The following FXN variants were observed in gnomAD, a reference collection of about 807,000 sequenced individuals.
FXN encodes the protein frataxin, mitochondrial.
A neutral mutation model predicts 22.4 loss-of-function variants in FXN; 14 were observed. That is an observed-to-expected ratio of 0.62 (90% CI 0.41 to 0.98). The LOEUF is 0.98. FXN is among the 50% of genes least tolerant of loss of function. The pLI, the probability that FXN is intolerant of heterozygous loss-of-function variation, is 0.00. For missense variants in FXN, 267 were observed against 268.4 expected (o/e 0.99, Z 0.04); for synonymous variants, 120 against 114.1 (o/e 1.05, Z -0.33).
Position 69,078,008 on chromosome 9 carries a change from C to T in FXN, c.*5246C>T. ...ATAGAAAAATAAGACAATATCATTTCCCAATTACATTCCTTTCCTACCGCA... is the reference window on the plus strand; with the variant it reads ...ATAGAAAAATAAGACAATATCATTTTCCAATTACATTCCTTTCCTACCGCA... On this transcript the variant is annotated 3_prime_UTR_variant, in exon 5 of 5. Coordinates refer to ENST00000484259, the MANE Select transcript of FXN (RefSeq NM_000144.5). 1.0e-6 allele frequency: 1 copy of T among 985,306 alleles called. No individual in the cohort carries two copies. The highest frequency in any genetic ancestry group is 1.2e-6 in the Non-Finnish European group (1 of 829,846). The allele number at this position is 985,306 out of a possible 1,614,324, so 61.0% of individuals were successfully genotyped here.
intron 1 of FXN, among the ~76,000 whole-genome samples, chr9:69,042,995 A>G (rs1831685280): frequency 6.6e-6 from 1 of 152,142 alleles, no homozygotes; most frequent in African/African-American, 2.4e-5. Context: ...GTAAAACACA[A>G]CTATAGTTGA....
At chr9:69,072,380 A>G (rs1292899865) in intron 4 of FXN, among the ~76,000 whole-genome samples, 2 of 152,252 alleles carry the variant, frequency 1.3e-5, no homozygotes, top group Non-Finnish European at 2.9e-5. Flanking sequence ...CTTATCAGTA[A>G]GGGTCAAATG....
chr9:69,037,981 A>T (rs1265968564), intron 1 of FXN, among the ~76,000 whole-genome samples: 1 of 152,198 alleles, frequency 6.6e-6, no homozygotes. Context: ...TAGGAGAATG[A>T]CAAGAGGTGG....
Position 69,077,061 on chromosome 9 carries a change from C to G in FXN, c.*4299C>G. 1 of 446,880 alleles carries G rather than the reference C, an allele frequency of 2.2e-6. No homozygotes were observed. Among genetic ancestry groups the G allele is most frequent in the Non-Finnish European group, 3.0e-6 (1 of 337,650 alleles). The allele number at this position is 446,880 out of a possible 1,614,324, so 27.7% of individuals were successfully genotyped here. ...CCCGAGTAGCTGGGATTACAGGTGC[C>G]TGCCACCACACCCGGCTAATTTTTG... On this transcript the variant is annotated 3_prime_UTR_variant, in exon 5 of 5. Transcript: ENST00000484259.
At chr9:69,070,164 G>C (rs1039093318) in intron 4 of FXN, among the ~76,000 whole-genome samples, 1 of 151,904 alleles carries the variant, frequency 6.6e-6, no homozygotes, top group Non-Finnish European at 1.5e-5. Context: ...GTGGGGCAGA[G>C]GTTGCAGTGA....
rs116859992 is a variant in FXN, at chr9:69,079,050, G to T, written c.*6288G>T. The T allele has an allele frequency of 7.4e-3, 6,541 of 880,004 alleles. 39 individuals are homozygous for T. The highest frequency in any genetic ancestry group is 0.028 in the Middle Eastern group (48 of 1,712). 54.5% of individuals were successfully genotyped at this position (880,004 alleles called of 1,614,324 possible). On this transcript the variant is annotated 3_prime_UTR_variant, in exon 5 of 5. Transcript: ENST00000484259. ...TTATAATTATATGTTTAAGATAGTT[G>T]TTCAAATAAACTCTAAATAACCCCA...
chr9:69,038,933 A>G (rs574407381), intron 1 of FXN, among the ~76,000 whole-genome samples: 19 of 152,180 alleles, frequency 1.2e-4, no homozygotes, highest in Non-Finnish European at 2.2e-4. Context: ...GAAGGTTCAC[A>G]TAGTCAAGTT....
intron 3 of FXN, among the ~76,000 whole-genome samples, chr9:69,063,950 C>G (rs1427532132): frequency 6.6e-6 from 1 of 152,194 alleles, no homozygotes; most frequent in Non-Finnish European, 1.5e-5. Context: ...TCCCAAAGTG[C>G]TGGAATTTCA....
At chr9:69,056,471 A>G (rs1181326055) in intron 3 of FXN, among the ~76,000 whole-genome samples, 3 of 152,228 alleles carry the variant, frequency 2.0e-5, no homozygotes, top group Non-Finnish European at 4.4e-5. Context: ...ACTAACATGT[A>G]TTACAGGGCA....
Position 69,053,523 on chromosome 9 carries a change from A to G in FXN, c.384+263A>G, listed in dbSNP as rs187347902. On this transcript the variant is annotated intron_variant, in intron 3 of 4. Transcript: ENST00000484259. Reference sequence around the variant, plus strand: ...TGGATGGATGGATAGATAGATAGATAGATAGATAGATAGCTGGATAGATAG... The same window carrying G: ...TGGATGGATGGATAGATAGATAGATGGATAGATAGATAGCTGGATAGATAG... Among the ~76,000 whole-genome samples, 236 of 143,722 alleles carry G rather than the reference A, an allele frequency of 1.6e-3. 1 individual carries two copies. Among genetic ancestry groups the G allele is most frequent in the African/African-American group, 5.2e-3 (205 of 39,416 alleles). 94.3% of individuals were successfully genotyped at this position (143,722 alleles called of 152,430 possible). A position where few individuals can be genotyped will look rare whatever the true frequency, so the allele number is the denominator to read the frequency against.
Position 69,074,321 on chromosome 9 carries a change from A to C in FXN, c.*1559A>C, listed in dbSNP as rs1397551167. 6.1e-6 allele frequency: 6 copies of C among 985,268 alleles called. No individual in the cohort carries two copies. In the African/African-American group the frequency reaches 1.0e-4, roughly 17 times the overall value. 61.0% of individuals were successfully genotyped at this position (985,268 alleles called of 1,614,324 possible). A position where few individuals can be genotyped will look rare whatever the true frequency, so the allele number is the denominator to read the frequency against. ...ATACAAAGCAACAAGCCTCCAGGACATTAAAATTCATGCAAAGTTATGCTC... is the reference window on the plus strand; with the variant it reads ...ATACAAAGCAACAAGCCTCCAGGACCTTAAAATTCATGCAAAGTTATGCTC... On this transcript the variant is annotated 3_prime_UTR_variant, in exon 5 of 5. Transcript: ENST00000484259.
chr9:69,054,374 G>A (rs1028542528), intron 3 of FXN, among the ~76,000 whole-genome samples: 2 of 152,162 alleles, frequency 1.3e-5, no homozygotes, highest in African/African-American at 2.4e-5. Flanking sequence ...GGTCTTTATC[G>A]ACTGGCCACC....
At chr9:69,057,737 G>A (rs1314441842) in intron 3 of FXN, among the ~76,000 whole-genome samples, 1 of 152,024 alleles carries the variant, frequency 6.6e-6, no homozygotes, top group Non-Finnish European at 1.5e-5. Context: ...CCTCCCCTGA[G>A]ATATAGCTAG....
Position 69,078,201 on chromosome 9 carries a change from G to T in FXN, c.*5439G>T, listed in dbSNP as rs756655062. 24 of 984,434 alleles carry T rather than the reference G, an allele frequency of 2.4e-5. No individual in the cohort carries two copies. Among genetic ancestry groups the T allele is most frequent in the Non-Finnish European group, 2.8e-5 (23 of 829,180 alleles). 61.0% of individuals were successfully genotyped at this position (984,434 alleles called of 1,614,324 possible). A position where few individuals can be genotyped will look rare whatever the true frequency, so the allele number is the denominator to read the frequency against. ...TAGGCTGTGTACTGCACATCTCCAG[G>T]TGCCACTGTTGACAGAGATTATAAC... On this transcript the variant is annotated 3_prime_UTR_variant, in exon 5 of 5. Transcript: ENST00000484259.
At position 69,046,471 on chromosome 9, in the gene FXN, G is replaced by T. The variant is rs747283339; in HGVS notation, c.252G>T (p.Leu84Phe). 6.2e-7 allele frequency: 1 copy of T among 1,612,780 alleles called. No homozygotes were observed. The highest frequency in any genetic ancestry group is 8.5e-7 in the Non-Finnish European group (1 of 1,178,944). ...YLMNLRKSGT[L>F]GHPGSLDETT... Reference sequence around the variant, plus strand: ...TGAATTTGAGGAAATCTGGAACTTTGGGCCACCCAGGGTAAGATAAAACAC... The same window carrying T: ...TGAATTTGAGGAAATCTGGAACTTTTGGCCACCCAGGGTAAGATAAAACAC... The change falls in exon 2 of 5, where the codon TTG (leucine) becomes TTT (phenylalanine). Residue 84 changes from leucine to phenylalanine, a missense_variant. Transcript: ENST00000484259.
Position 69,078,765 on chromosome 9 carries a change from T to C in FXN, c.*6003T>C. 1.0e-6 allele frequency: 1 copy of C among 985,670 alleles called. No homozygotes were observed. Among genetic ancestry groups the C allele is most frequent in the Non-Finnish European group, 1.2e-6 (1 of 830,064 alleles). The allele number at this position is 985,670 out of a possible 1,614,324, so 61.1% of individuals were successfully genotyped here. ...CCCACATCTCTGCCTGGGGGGTAGATTCTACCCTGAAAAATGTTCTTGGCA... is the reference window on the plus strand; with the variant it reads ...CCCACATCTCTGCCTGGGGGGTAGACTCTACCCTGAAAAATGTTCTTGGCA... On this transcript the variant is annotated 3_prime_UTR_variant, in exon 5 of 5. Coordinates refer to ENST00000484259, the MANE Select transcript of FXN (RefSeq NM_000144.5).
chr9:69,074,592 G>A lies in FXN; in HGVS notation c.*1830G>A. The A allele has an allele frequency of 2.0e-6, 2 of 985,080 alleles. No homozygotes were observed. The highest frequency in any genetic ancestry group is 2.4e-6 in the Non-Finnish European group (2 of 829,844). The allele number at this position is 985,080 out of a possible 1,614,324, so 61.0% of individuals were successfully genotyped here. On this transcript the variant is annotated 3_prime_UTR_variant, in exon 5 of 5. Transcript: ENST00000484259. ...TGTAGCAAAGGCTTTTCCAATGGGT[G>A]AATAAAAACACATTCCATTAAGTCA...
In FXN at chr9:69,074,015, C is replaced by G; in HGVS notation, c.*1253C>G. 7.9e-6 allele frequency: 3 copies of G among 378,416 alleles called. No homozygotes were observed. Among genetic ancestry groups the G allele is most frequent in the Non-Finnish European group, 1.1e-5 (3 of 275,196 alleles). The allele number at this position is 378,416 out of a possible 1,614,324, so 23.4% of individuals were successfully genotyped here. ...CCTGGCCAACATGATGAAACCCCGTCTCTACTAAAAATACAAAAAATTAGC... is the reference window on the plus strand; with the variant it reads ...CCTGGCCAACATGATGAAACCCCGTGTCTACTAAAAATACAAAAAATTAGC... On this transcript the variant is annotated 3_prime_UTR_variant, in exon 5 of 5. Coordinates refer to ENST00000484259, the MANE Select transcript of FXN (RefSeq NM_000144.5).
chr9:69,076,556 T>G lies in FXN; in HGVS notation c.*3794T>G. On this transcript the variant is annotated 3_prime_UTR_variant, in exon 5 of 5. Coordinates refer to ENST00000484259, the MANE Select transcript of FXN (RefSeq NM_000144.5). ...TTAGCCAATTTAAAATTTGACAGTTTGCATTAAATTATAGGTTTACAATAT... is the reference window on the plus strand; with the variant it reads ...TTAGCCAATTTAAAATTTGACAGTTGGCATTAAATTATAGGTTTACAATAT... 3.0e-6 allele frequency: 3 copies of G among 985,448 alleles called. No homozygotes were observed. Among genetic ancestry groups the G allele is most frequent in the Non-Finnish European group, 3.6e-6 (3 of 829,914 alleles). 61.0% of individuals were successfully genotyped at this position (985,448 alleles called of 1,614,324 possible). A position where few individuals can be genotyped will look rare whatever the true frequency, so the allele number is the denominator to read the frequency against.
Sources: gnomAD v4.1 joint callset for allele counts (sites outside exome capture counted in the v4.1 genomes callset) on GRCh38, gnomAD v4.1.1 for gene constraint, MANE v1.5 for transcripts, NCBI Gene and HGNC (gene_info 2026-07-23, HGNC 2026-07-21) for gene names.